Variants in TGDS observed in about 807,000 individuals in gnomAD.
The protein encoded by TGDS is UDP-D-glucose 4,6-dehydratase.
A neutral mutation model predicts 52.3 loss-of-function variants in TGDS; 47 were observed. The ratio of observed to expected loss-of-function variants is 0.90; its 90% CI spans 0.71 to 1.15. The LOEUF (loss-of-function observed/expected upper bound fraction) is 1.15, where lower values mean the gene tolerates loss of function less well. TGDS is among the 50% of genes most tolerant of loss of function. The pLI is 0.00. For synonymous variants in TGDS, 115 were observed against 136.9 expected (o/e 0.84, Z 1.12); for missense variants, 375 against 418.4 (o/e 0.90, Z 0.90).
At chr13:94,584,409 G>A (rs1413193444) in intron 4 of TGDS, among the ~76,000 whole-genome samples, 1 of 152,242 alleles carries the variant, frequency 6.6e-6, no homozygotes, top group Admixed American at 6.5e-5. Flanking sequence ...GGATGGTGCT[G>A]TTGAGAACCA....
chr13:94,580,832 T>C (rs1888762228), intron 6 of TGDS, among the ~76,000 whole-genome samples: 1 of 152,238 alleles, frequency 6.6e-6, no homozygotes, highest in African/African-American at 2.4e-5. Flanking sequence ...TGCCTTCTAC[T>C]CTAAGCATGC....
chr13:94,576,827 G>A (rs943708944), intron 10 of TGDS, among the ~76,000 whole-genome samples: 4 of 152,164 alleles, frequency 2.6e-5, no homozygotes, highest in Non-Finnish European at 5.9e-5. Context: ...TATTGGCCAG[G>A]CAAGGTGGCT....
At chr13:94,583,067 G>C (rs1259314082) in intron 5 of TGDS, 27 bp downstream of exon 5, 19 of 1,607,546 alleles carry the variant, frequency 1.2e-5, no homozygotes, top group Non-Finnish European at 1.6e-5. Context: ...TGGTTAAGTA[G>C]GTAAAATATA....
chr13:94,590,940 C>A lies in TGDS; in HGVS notation c.226G>T (p.Asp76Tyr). The change falls in exon 4 of 12, where the codon GAC becomes TAC. Residue 76 changes from aspartate (D) to tyrosine (Y), a missense_variant. Transcript: ENST00000261296. ...NKQNYKFIQG[D>Y]ICDSHFVKLL... is the part of the protein sequence containing the mutation. ...TTCACAAAGTGAGAATCACATATGT[C>A]ACCCTATATGAAAAAGCAAACATGA... 6.4e-7 allele frequency: 1 copy of A among 1,568,900 alleles called. No homozygotes were observed. The highest frequency in any genetic ancestry group is 1.2e-5 in the South Asian group (1 of 81,972).
chr13:94,583,012 T>C (rs1888853532), intron 5 of TGDS, 82 bp downstream of exon 5: 2 of 1,468,032 alleles, frequency 1.4e-6, no homozygotes, highest in South Asian at 2.6e-5. Flanking sequence ...AATTTGAGGA[T>C]GAAAAAAGCC....
At chr13:94,595,692 T>C (rs1316966654) in intron 1 of TGDS, among the ~76,000 whole-genome samples, 1 of 152,100 alleles carries the variant, frequency 6.6e-6, no homozygotes, top group Non-Finnish European at 1.5e-5. Flanking sequence ...GGGGTGCCTA[T>C]ATGTACAGGG....
Position 94,576,360 on chromosome 13 carries a change from T to A in TGDS, c.936A>T (p.Leu312Phe), listed in dbSNP as rs138907959. ...YPMKSEKIHGLGWRPKVPWKE... is the reference protein window; with the variant it reads ...YPMKSEKIHGFGWRPKVPWKE... ...TCCAAGGCACTTTAGGTCTCCATCC[T>A]AAGCCATGTATTTTTTCTGACTTCA... Residue 312 changes from leucine (L) to phenylalanine (F), a missense_variant, in exon 11 of 12, where the codon TTA becomes TTT. Leu to Phe is a conservative substitution (Grantham distance 22, BLOSUM62 0). Coordinates refer to ENST00000261296, the MANE Select transcript of TGDS (RefSeq NM_014305.4). 6.2e-7 allele frequency: 1 copy of A among 1,607,258 alleles called. No individual in the cohort carries two copies. The highest frequency in any genetic ancestry group is 8.5e-7 in the Non-Finnish European group (1 of 1,176,622).
At chr13:94,592,999 CA>C (rs1889261499) in intron 2 of TGDS, among the ~76,000 whole-genome samples, 1 of 151,890 alleles carries the variant, frequency 6.6e-6, no homozygotes, top group Admixed American at 6.6e-5. Flanking sequence ...ACTAAAAATA[CA>C]AAATTTAGCT....
At position 94,577,947 on chromosome 13, in the gene TGDS, T is replaced by A; in HGVS notation, c.825+58A>T. ...TAAGCTGTATGCTTCTGATTTTGAC[T>A]AATGGTCACTGCCACTAACAATTTT... On this transcript the variant is annotated intron_variant, in intron 9 of 11. Transcript: ENST00000261296. 4.6e-6 allele frequency: 7 copies of A among 1,535,580 alleles called. 1 individual carries two copies. Among genetic ancestry groups the A allele is most frequent in the Non-Finnish European group, 6.2e-6 (7 of 1,129,046 alleles).
chr13:94,575,285 C>CTT (rs66717082), intron 11 of TGDS, among the ~76,000 whole-genome samples: 2,096 of 113,142 alleles, frequency 0.019, 36 homozygotes, highest in Middle Eastern at 0.088. Context: ...AACTTCCTTG[C>CTT]TTTTTTTTTT....
rs1889289103 is a variant in TGDS, at chr13:94,593,911, T to TG, written c.87-5dup. The TG allele has an allele frequency of 1.3e-6, 2 of 1,547,932 alleles. No homozygotes were observed. The highest frequency in any genetic ancestry group is 1.7e-6 in the Non-Finnish European group (2 of 1,143,658). ...AGAGACAATCATATGTGATGCACTATGGAAAAAAAGTATATCTTGTTAGTG... is the reference window on the plus strand; with the variant it reads ...AGAGACAATCATATGTGATGCACTATGGGAAAAAAAGTATATCTTGTTAGTG... On this transcript the variant is annotated splice_region_variant and splice_polypyrimidine_tract_variant and intron_variant, in intron 1 of 11. Coordinates refer to ENST00000261296, the MANE Select transcript of TGDS (RefSeq NM_014305.4).
At chr13:94,593,546 T>C (rs541746220) in intron 2 of TGDS, among the ~76,000 whole-genome samples, 1 of 152,180 alleles carries the variant, frequency 6.6e-6, no homozygotes, top group South Asian at 2.1e-4. Context: ...GCCTTATGAA[T>C]TTTTCTTATA....
In TGDS at chr13:94,576,353, T is replaced by G. The variant is rs779098313; in HGVS notation, c.943A>C (p.Arg315=). 1 of 1,607,202 alleles carries G rather than the reference T, an allele frequency of 6.2e-7. No individual in the cohort carries two copies. The highest frequency in any genetic ancestry group is 8.5e-7 in the Non-Finnish European group (1 of 1,176,678). Reference sequence around the variant, plus strand: ...CCTTCTTTCCAAGGCACTTTAGGTCTCCATCCTAAGCCATGTATTTTTTCT... The same window carrying G: ...CCTTCTTTCCAAGGCACTTTAGGTCGCCATCCTAAGCCATGTATTTTTTCT... ...KSEKIHGLGW[R]PKVPWKEGIK... Residue 315 remains arginine, a synonymous_variant, in exon 11 of 12, where the codon AGA becomes CGA. Transcript: ENST00000261296.
At chr13:94,595,838 G>A (rs1889355028) in intron 1 of TGDS, 1 of 612,532 alleles carries the variant, frequency 1.6e-6, no homozygotes. Flanking sequence ...ACGCAGCTTT[G>A]GAAGAGGCGT....
At position 94,574,808 on chromosome 13, in the gene TGDS, T is replaced by A. The variant is rs753509890; in HGVS notation, c.1027A>T (p.Lys343Ter). Residue 343 changes from lysine to a stop codon, truncating the protein, a stop_gained, in exon 12 of 12, where the codon AAG becomes TAG. Coordinates refer to ENST00000261296, the MANE Select transcript of TGDS (RefSeq NM_014305.4). LOFTEE classifies it high-confidence loss of function. ...ENFHNWKNVE[K>*]ALEPFPV Reference sequence around the variant, plus strand: ...TATACCGGAAAGGGTTCTAATGCCTTTTCCACATTCTTCCAGTTGTGAAAA... The same window carrying A: ...TATACCGGAAAGGGTTCTAATGCCTATTCCACATTCTTCCAGTTGTGAAAA... 1 of 1,607,998 alleles carries A rather than the reference T, an allele frequency of 6.2e-7. No homozygotes were observed. The highest frequency in any genetic ancestry group is 8.5e-7 in the Non-Finnish European group (1 of 1,175,530).
intron 4 of TGDS, among the ~76,000 whole-genome samples, chr13:94,588,397 T>C (rs1410377176): frequency 1.8e-5 from 2 of 113,998 alleles, no homozygotes; most frequent in Admixed American, 1.4e-4. Context: ...CACTCCAGCC[T>C]GGGCAATCAG....
chr13:94,585,669 A>G (rs1888951372), intron 4 of TGDS, among the ~76,000 whole-genome samples: 1 of 151,912 alleles, frequency 6.6e-6, no homozygotes, highest in Non-Finnish European at 1.5e-5. Context: ...GCGTGGTGGC[A>G]CACGCCTGTA....
intron 11 of TGDS, 76 bp from the exon 12 acceptor site, chr13:94,574,928 T>C (rs971434011): frequency 8.1e-6 from 7 of 859,806 alleles, no homozygotes; most frequent in Non-Finnish European, 1.3e-5. Context: ...CAACCTTTAC[T>C]GAGTTCCTGC....
At chr13:94,591,081 A>G in intron 3 of TGDS, 138 bp from the exon 4 acceptor site, 1 of 614,220 alleles carries the variant, frequency 1.6e-6, no homozygotes, top group South Asian at 2.0e-5. Context: ...TAAGTGCTCA[A>G]ACAAGGATAC....
Sources: gnomAD v4.1 joint callset for allele counts (sites outside exome capture counted in the v4.1 genomes callset) on GRCh38, gnomAD v4.1.1 for gene constraint, MANE v1.5 for transcripts, NCBI Gene and HGNC (gene_info 2026-07-23, HGNC 2026-07-21) for gene names.